The following TLN1 variants were observed in gnomAD, a reference collection of about 807,000 sequenced individuals.
The protein encoded by TLN1 is talin 1.
A neutral mutation model predicts 292.3 loss-of-function variants in TLN1; 56 were observed. The observed-to-expected ratio is 0.19, with a 90% CI of 0.15 to 0.24. The LOEUF is 0.24. Among genes scored for constraint, TLN1 ranks in the 10% least tolerant of loss-of-function variants. TLN1 has a pLI of 1.00. For missense variants in TLN1, 2,433 were observed against 3,248.2 expected, an observed-to-expected ratio of 0.75 and a Z score of 6.10; for synonymous variants, 1,119 against 1,253.7, an observed-to-expected ratio of 0.89 and a Z score of 2.27.
rs1001077787 is a variant in TLN1 at position 35,717,933 on chromosome 9, G to T, written c.1996-147C>A. 4 of 916,364 alleles carry T rather than the reference G, an allele frequency of 4.4e-6. No individual in the cohort carries two copies. The highest frequency in any genetic ancestry group is 6.4e-6 in the Non-Finnish European group (4 of 623,956). The allele number at this position is 916,364 out of a possible 1,614,324, so 56.8% of individuals were successfully genotyped here. A position where few individuals can be genotyped will look rare whatever the true frequency, so the allele number is the denominator to read the frequency against. On this transcript the variant is annotated intron_variant, in intron 17 of 56. Coordinates refer to ENST00000314888, the MANE Select transcript of TLN1 (RefSeq NM_006289.4). The surrounding 1 kb of genome is among the most constrained non-coding windows in gnomAD (Gnocchi z 4.7). ...CAACCAGAACCTACCCCGAGCTACTGCCCTGAGCACCCAGCAGGACAGAAC... is the reference window on the plus strand; with the variant it reads ...CAACCAGAACCTACCCCGAGCTACTTCCCTGAGCACCCAGCAGGACAGAAC...
chr9:35,711,504 G>C (rs1825667267), intron 29 of TLN1, 91 bp downstream of exon 29: 5 of 1,604,098 alleles, frequency 3.1e-6, no homozygotes, highest in African/African-American at 2.7e-5. Flanking sequence ...GGAGGGAAGG[G>C]AGCCAGGAGC....
Position 35,704,029 on chromosome 9 carries a change from C to T in TLN1, c.6193G>A (p.Gly2065Ser), listed in dbSNP as rs1197617332. The change falls in exon 46 of 57, where the codon GGT (glycine) becomes AGT (serine). Residue 2065 changes from glycine to serine, a missense_variant. Gly to Ser is a moderately conservative substitution (Grantham distance 56, BLOSUM62 0). Coordinates refer to ENST00000314888, the MANE Select transcript of TLN1 (RefSeq NM_006289.4). The surrounding 1 kb of genome is among the most constrained non-coding windows in gnomAD (Gnocchi z 6.9). The part of the protein sequence containing the change: ...ITRLADVVKL[G>S]AASLGAEDPE... ...TCCTCAGCTCCCAGGCTGGCTGCAC[C>T]CAGCTTGACCACATCAGCGAGGCGG... 9.3e-6 allele frequency: 15 copies of T among 1,613,254 alleles called. No homozygotes were observed. Among genetic ancestry groups the T allele is most frequent in the African/African-American group, 2.7e-5 (2 of 74,906 alleles).
chr9:35,722,749 G>T, intron 8 of TLN1, 112 bp downstream of exon 8: 1 of 1,082,412 alleles, frequency 9.2e-7, no homozygotes, highest in Non-Finnish European at 1.4e-6. Flanking sequence ...CAGCCCGGTG[G>T]GTGAAAGCCA....
At chr9:35,700,680 A>T (rs1825450258) in intron 48 of TLN1, among the ~76,000 whole-genome samples, 1 of 152,228 alleles carries the variant, frequency 6.6e-6, no homozygotes, top group Non-Finnish European at 1.5e-5. Flanking sequence ...ATTTTAGGTA[A>T]ATGGTAGGAC....
Position 35,699,003 on chromosome 9 carries a change from G to A in TLN1, c.6999+29C>T. 1 of 1,608,416 alleles carries A rather than the reference G, an allele frequency of 6.2e-7. No individual in the cohort carries two copies. The highest frequency in any genetic ancestry group is 8.5e-7 in the Non-Finnish European group (1 of 1,175,248). On this transcript the variant is annotated intron_variant, in intron 52 of 56. Coordinates refer to ENST00000314888, the MANE Select transcript of TLN1 (RefSeq NM_006289.4). This position sits in a 1 kb window ranked among gnomAD's most constrained non-coding sequence, Gnocchi z 4.0. Reference sequence around the variant, plus strand: ...GAAGGTGGGGACACTGCCATGGTGAGGGTGGAAGAGGAAGGGAGCAGGACT... The same window carrying A: ...GAAGGTGGGGACACTGCCATGGTGAAGGTGGAAGAGGAAGGGAGCAGGACT...
In TLN1 at chr9:35,715,090, G is replaced by A; in HGVS notation, c.2723C>T (p.Ala908Val). 6.2e-7 allele frequency: 1 copy of A among 1,613,168 alleles called. No homozygotes were observed. ...GCGCTGCACCAGCTTTTTCTTGATG[G>A]CATTCTGCGCAGCTGCATTGGTGGC... ...RMATNAAAQN[A>V]IKKKLVQRLE... The change falls in exon 21 of 57, where the codon GCC (alanine) becomes GTC (valine). Residue 908 changes from alanine (A) to valine (V), a missense_variant. Ala to Val is a moderately conservative substitution (Grantham distance 64, BLOSUM62 0). Around this residue, in one of 7 missense-constraint regions of TLN1, gnomAD observed 617 missense variants for 770.6 expected, o/e 0.80. Transcript: ENST00000314888.
At chr9:35,705,928 G>A (rs1825557747) in intron 41 of TLN1, 34 bp downstream of exon 41, 1 of 1,614,074 alleles carries the variant, frequency 6.2e-7, no homozygotes, top group South Asian at 1.1e-5. Flanking sequence ...GCCCAGGGTA[G>A]CCTCAGTGTC....
intron 1 of TLN1, among the ~76,000 whole-genome samples, chr9:35,727,962 C>G (rs1037538568): frequency 6.6e-6 from 1 of 152,196 alleles, no homozygotes; most frequent in African/African-American, 2.4e-5. Context: ...TGGCAAAGAA[C>G]AAGGCTGCTA....
In TLN1 at chr9:35,724,538, T is replaced by C. The variant is rs375175355; in HGVS notation, c.511+34A>G. On this transcript the variant is annotated intron_variant, in intron 5 of 56. Transcript: ENST00000314888. The surrounding 1 kb of genome is among the most constrained non-coding windows in gnomAD (Gnocchi z 4.7). ...CTGAAGCCCCTTCCCACCCTTCCCA[T>C]TTCAAAAGCCCTCTTTTTTCTAGTT... The C allele has an allele frequency of 6.2e-7, 1 of 1,600,632 alleles. No individual in the cohort carries two copies. The highest frequency in any genetic ancestry group is 8.5e-7 in the Non-Finnish European group (1 of 1,172,654).
At position 35,706,055 on chromosome 9, in the gene TLN1, G is replaced by A. The variant is rs141032582; in HGVS notation, c.5418C>T (p.Ala1806=). 2.4e-3 allele frequency: 3,863 copies of A among 1,614,160 alleles called. 9 individuals carry two copies. Among genetic ancestry groups the A allele is most frequent in the Non-Finnish European group, 2.9e-3 (3,409 of 1,180,036 alleles). ...TGAGGGTTGTTGTCAGGTCCTCTACGGCCTCGGTCATCATCTGCACAGCCT... is the reference window on the plus strand; with the variant it reads ...TGAGGGTTGTTGTCAGGTCCTCTACAGCCTCGGTCATCATCTGCACAGCCT... ...LEEAVQMMTE[A]VEDLTTTLNE... The change falls in exon 41 of 57, where the codon GCC becomes GCT. Residue 1806 remains alanine (A), a synonymous_variant. Coordinates refer to ENST00000314888, the MANE Select transcript of TLN1 (RefSeq NM_006289.4). The surrounding 1 kb of genome is among the most constrained non-coding windows in gnomAD (Gnocchi z 4.2).
Position 35,714,175 on chromosome 9 carries a change from C to T in TLN1, c.3120+64G>A. The T allele has an allele frequency of 6.3e-7, 1 of 1,597,282 alleles. No individual in the cohort carries two copies. Among genetic ancestry groups the T allele is most frequent in the Non-Finnish European group, 8.6e-7 (1 of 1,168,062 alleles). On this transcript the variant is annotated intron_variant, in intron 24 of 56. Transcript: ENST00000314888. The surrounding 1 kb of genome is among the most constrained non-coding windows in gnomAD (Gnocchi z 4.6). ...ATTATCTGCGTATTGGGTTATTCTG[C>T]ACAGATTTCCTCTCATCACAGGACT...
At chr9:35,716,281 TGTG>T (rs1825782077) in intron 20 of TLN1, 106 bp downstream of exon 20, 3 of 1,319,914 alleles carry the variant, frequency 2.3e-6, no homozygotes, top group Non-Finnish European at 3.1e-6. Flanking sequence ...TTTGTCCTCT[TGTG>T]TTTTCTGCTT....
rs1380719240 is a variant in TLN1, at chr9:35,714,611, T to C, written c.2948A>G (p.Gln983Arg). 1 of 1,612,914 alleles carries C rather than the reference T, an allele frequency of 6.2e-7. No homozygotes were observed. The highest frequency in any genetic ancestry group is 1.3e-5 in the African/African-American group (1 of 74,946). The change falls in exon 23 of 57, where the codon CAG (glutamine) becomes CGG (arginine). Residue 983 changes from glutamine to arginine, a missense_variant. Transcript: ENST00000314888. This position sits in a 1 kb window ranked among gnomAD's most constrained non-coding sequence, Gnocchi z 4.6. ...SQAQPDSPSA[Q>R]LALIAASQSF... ...CTGGCTGGCAGCAATGAGGGCAAGC[T>C]GAGCGCTGGGGCTGTCAGGCTGGGC...
chr9:35,725,388 G>C, intron 2 of TLN1, 67 bp from the exon 3 acceptor site: 1 of 1,561,514 alleles, frequency 6.4e-7, no homozygotes, highest in Non-Finnish European at 8.8e-7. Flanking sequence ...CTTGTACCAT[G>C]TTGCCCCTGA....
At chr9:35,697,989 AG>A in intron 56 of TLN1, 54 bp downstream of exon 56, 1 of 1,613,992 alleles carries the variant, frequency 6.2e-7, no homozygotes, top group Non-Finnish European at 8.5e-7. Context: ...GGACCAGCGC[AG>A]GCAACATGAC....
Position 35,713,035 on chromosome 9 carries a change from C to A in TLN1, c.3361G>T (p.Ala1121Ser). ...QGNENYAGIA[A>S]RDVAGGLRSL... ...CGCAGCCCACCTGCCACATCCCGAG[C>A]TGCAATACCTTGGGAGATGAGGAGA... The change falls in exon 27 of 57, where the codon GCT (alanine) becomes TCT (serine). Residue 1121 changes from alanine to serine, a missense_variant. Ala to Ser is a moderately conservative substitution (Grantham distance 99). Around this residue, in one of 7 missense-constraint regions of TLN1, gnomAD observed 1,384 missense variants for 1,699.6 expected, o/e 0.81. Transcript: ENST00000314888. The A allele has an allele frequency of 6.2e-7, 1 of 1,607,190 alleles. No individual in the cohort carries two copies.
Position 35,724,929 on chromosome 9 carries a change from G to T in TLN1, c.259C>A (p.Pro87Thr), listed in dbSNP as rs1825941864. Residue 87 changes from proline to threonine, a missense_variant, in exon 4 of 57, where the codon CCC becomes ACC. By Grantham distance (38) the Pro-to-Thr change is conservative. This residue lies in a region of TLN1 where 155 missense variants were observed against 287.9 expected (regional missense o/e 0.54). Coordinates refer to ENST00000314888, the MANE Select transcript of TLN1 (RefSeq NM_006289.4). The surrounding 1 kb of genome is among the most constrained non-coding windows in gnomAD (Gnocchi z 4.7). ...DTMEYRKKQR[P>T]LKIRMLDGTV... Reference sequence around the variant, plus strand: ...CCATCCAGCATACGGATCTTCAGGGGTCTCTGTTTCTTCCTGTACTCCATA... The same window carrying T: ...CCATCCAGCATACGGATCTTCAGGGTTCTCTGTTTCTTCCTGTACTCCATA... The T allele has an allele frequency of 6.2e-7, 1 of 1,614,152 alleles. No individual in the cohort carries two copies. The highest frequency in any genetic ancestry group is 8.5e-7 in the Non-Finnish European group (1 of 1,180,042).
rs759679420 is a variant in TLN1 at position 35,710,793 on chromosome 9, T to C, written c.4203+4A>G. 6.2e-7 allele frequency: 1 copy of C among 1,614,222 alleles called. No homozygotes were observed. Among genetic ancestry groups the C allele is most frequent in the Admixed American group, 1.7e-5 (1 of 60,030 alleles). On this transcript the variant is annotated splice_donor_region_variant and intron_variant, in intron 32 of 56. Transcript: ENST00000314888. ...CTCTCCTCCGAGTTCCTGGCTGTGC[T>C]GACCTTTGAGTTCTCCATTACACTG...
At position 35,700,432 on chromosome 9, in the gene TLN1, G is replaced by A. The variant is rs932579240; in HGVS notation, c.6475-56C>T. The A allele has an allele frequency of 1.3e-5, 19 of 1,518,510 alleles. No homozygotes were observed. The Middle Eastern group carries it at 5.3e-4, about 42-fold the overall frequency. The allele number at this position is 1,518,510 out of a possible 1,614,324, so 94.1% of individuals were successfully genotyped here. A position where few individuals can be genotyped will look rare whatever the true frequency, so the allele number is the denominator to read the frequency against. On this transcript the variant is annotated intron_variant, in intron 48 of 56. Transcript: ENST00000314888. ...ACAGTGGCTGAGACTATGAGACAGC[G>A]TAGAACTCTGTGTGCATGTGATTTG...
Sources: allele counts gnomAD v4.1 joint callset (sites outside exome capture counted in the v4.1 genomes callset), GRCh38; gene constraint gnomAD v4.1.1; regional missense constraint gnomAD v4.1.1; non-coding constraint Gnocchi (gnomAD v3.1); transcripts MANE v1.5; gene names NCBI Gene and HGNC (gene_info 2026-07-23, HGNC 2026-07-21).